The following SHISAL1 variants were observed in gnomAD, a reference collection of about 807,000 sequenced individuals.
The protein encoded by SHISAL1 is shisa like 1, also known as protein shisa-like-1.
In SHISAL1, 9 loss-of-function variants were observed where a neutral mutation model predicts 22.6. The ratio of observed to expected loss-of-function variants is 0.40; its 90% CI spans 0.24 to 0.70. SHISAL1 has a LOEUF of 0.70. Ranked by LOEUF, SHISAL1 falls within the 30% of genes least tolerant of loss-of-function variation. The pLI is 0.39. For synonymous variants in SHISAL1, 119 were observed against 115.4 expected, an observed-to-expected ratio of 1.03 and a Z score of -0.20; for missense variants, 246 against 270.6, an observed-to-expected ratio of 0.91 and a Z score of 0.64.
intron 3 of SHISAL1, among the ~76,000 whole-genome samples, chr22:44,293,305 G>T (rs987649711): frequency 1.3e-5 from 2 of 152,210 alleles, no homozygotes; most frequent in African/African-American, 4.8e-5. Flanking sequence ...CGAGAAGATC[G>T]CTGGAGAATG....
At chr22:44,255,628 C>T (rs1478449033) in intron 4 of SHISAL1, among the ~76,000 whole-genome samples, 2 of 152,192 alleles carry the variant, frequency 1.3e-5, no homozygotes, top group Admixed American at 1.3e-4. Flanking sequence ...CTGCGCTGGT[C>T]AGCGCTGGTC....
chr22:44,324,133 G>C, the SHISAL1 span, among the ~76,000 whole-genome samples: 1 of 152,050 alleles, frequency 6.6e-6, no homozygotes, highest in Non-Finnish European at 1.5e-5. Flanking sequence ...TGTCCCAAAT[G>C]TTACAATCCC....
intron 3 of SHISAL1, among the ~76,000 whole-genome samples, chr22:44,286,337 G>T (rs1009166507): frequency 6.6e-6 from 1 of 152,254 alleles, no homozygotes; most frequent in East Asian, 1.9e-4. Context: ...GGGGCTGTCC[G>T]GGCCCCATGA....
At chr22:44,298,126 A>G (rs1033663222) in intron 2 of SHISAL1, among the ~76,000 whole-genome samples, 2 of 152,156 alleles carry the variant, frequency 1.3e-5, no homozygotes, top group Non-Finnish European at 2.9e-5. Context: ...ACTGCGAGAG[A>G]AAGGTCTCAG....
At chr22:44,272,654 GCCT>G (rs1335024129) in intron 4 of SHISAL1, among the ~76,000 whole-genome samples, 2 of 152,174 alleles carry the variant, frequency 1.3e-5, no homozygotes, top group African/African-American at 2.4e-5. Context: ...CAGTCTTTCT[GCCT>G]CCTCATCTGC....
intron 1 of SHISAL1, among the ~76,000 whole-genome samples, chr22:44,309,888 G>A (rs1341974880): frequency 2.0e-5 from 3 of 152,186 alleles, no homozygotes; most frequent in Non-Finnish European, 4.4e-5. Context: ...GAGGCTCCAC[G>A]CCTGCATATG....
rs1056491840 is a variant in SHISAL1 at position 44,250,776 on chromosome 22, A to G, written c.*-1091T>C. The stretch of plus-strand genomic sequence containing the variant: ...TTGGTTCTGGTGGCAGCCCTGAACT[A>G]CCCCCTTCATACCATTGCAGTTGAA... On this transcript the variant is annotated intron_variant, in intron 4 of 4. Coordinates refer to ENST00000381176, the MANE Select transcript of SHISAL1 (RefSeq NM_001099294.2). 7.2e-5 allele frequency among the ~76,000 whole-genome samples: 11 copies of G among 152,238 alleles called. 1 individual carries two copies. The highest frequency in any genetic ancestry group is 4.6e-4 in the Admixed American group (7 of 15,290).
chr22:44,326,631 C>T, the SHISAL1 span, among the ~76,000 whole-genome samples: 1 of 152,062 alleles, frequency 6.6e-6, no homozygotes. Context: ...TGGAGGCAGC[C>T]GTTTGCACAC....
chr22:44,329,873 C>G, the SHISAL1 span, among the ~76,000 whole-genome samples: 1 of 152,284 alleles, frequency 6.6e-6, no homozygotes, highest in South Asian at 2.1e-4. Context: ...GAAGCTGAAG[C>G]CTACCAGTAG....
intron 4 of SHISAL1, among the ~76,000 whole-genome samples, chr22:44,282,209 C>A (rs1326881736): frequency 6.6e-6 from 1 of 152,202 alleles, no homozygotes; most frequent in African/African-American, 2.4e-5. Flanking sequence ...GCCCAGCAGT[C>A]GCCCAGCTTA....
At position 44,244,696 on chromosome 22, in the gene SHISAL1, G is replaced by A. The variant is rs562328844; in HGVS notation, c.*4989C>T. On this transcript the variant is annotated 3_prime_UTR_variant, in exon 5 of 5. Transcript: ENST00000381176. ...AGGCACAACTAGCCGTTTCACAAGT[G>A]GTCCCAGCTATAGCAGGAATGGCTC... 7 of 152,250 alleles carry A rather than the reference G, an allele frequency of 4.6e-5. 1 individual carries two copies. The South Asian group carries it at 6.2e-4, about 14-fold the overall frequency. 9.4% of individuals were successfully genotyped at this position (152,250 alleles called of 1,614,324 possible).
chr22:44,313,214 C>T (rs2055533047), upstream of SHISAL1, among the ~76,000 whole-genome samples: 3 of 152,358 alleles, frequency 2.0e-5, no homozygotes, highest in South Asian at 4.1e-4. Flanking sequence ...CCCAGGGCAC[C>T]GGGCTCCAGG....
rs564811508 is a variant in SHISAL1, at chr22:44,272,763, C to G, written c.599+12665G>C. ...TGCCCCTTGTCCTGGCTACCATTGCCCTGGGTGCCTGTCTGTGGGTGTCCC... is the reference window on the plus strand; with the variant it reads ...TGCCCCTTGTCCTGGCTACCATTGCGCTGGGTGCCTGTCTGTGGGTGTCCC... On this transcript the variant is annotated intron_variant, in intron 4 of 4. Transcript: ENST00000381176. Among the ~76,000 whole-genome samples, 133 of 152,292 alleles carry G rather than the reference C, an allele frequency of 8.7e-4. 1 individual carries two copies. The highest frequency in any genetic ancestry group is 3.1e-3 in the African/African-American group (130 of 41,576).
At chr22:44,314,929 A>G (rs142887953), upstream of SHISAL1, among the ~76,000 whole-genome samples, 103 of 152,342 alleles carry the variant, frequency 6.8e-4, no homozygotes, top group African/African-American at 2.4e-3. Context: ...GTCTCCAAAG[A>G]TGAAGTTCAG....
intron 1 of SHISAL1, among the ~76,000 whole-genome samples, chr22:44,308,919 G>A (rs1019195141): frequency 1.3e-5 from 2 of 152,204 alleles, no homozygotes; most frequent in Admixed American, 6.5e-5. Flanking sequence ...CATGGGGGGC[G>A]GGAGGCTGAC....
Position 44,300,863 on chromosome 22 carries a change from T to C in SHISAL1, c.67+16A>G, listed in dbSNP as rs1313579213. The C allele has an allele frequency of 6.3e-7, 1 of 1,591,364 alleles. No individual in the cohort carries two copies. The highest frequency in any genetic ancestry group is 8.6e-7 in the Non-Finnish European group (1 of 1,159,232). ...CCACGTGCCGCCCCCGCCCCCAGCA[T>C]CCACGGAGGTTTTACCTGCAGAAAA... On this transcript the variant is annotated intron_variant, in intron 2 of 4. Transcript: ENST00000381176.
intron 4 of SHISAL1, among the ~76,000 whole-genome samples, chr22:44,260,618 C>G (rs1180187233): frequency 6.6e-6 from 1 of 152,238 alleles, no homozygotes; most frequent in African/African-American, 2.4e-5. Flanking sequence ...AAGCCATTCC[C>G]TTTTAAGCTG....
At chr22:44,257,768 GAAGAAGCTCTGGAGCTGGTCTTC>G (rs1384070860) in intron 4 of SHISAL1, among the ~76,000 whole-genome samples, 1 of 152,202 alleles carries the variant, frequency 6.6e-6, no homozygotes, top group Non-Finnish European at 1.5e-5. Context: ...TGCACTTCCC[GAAGAAGCTCTGGAGCTGGTCTTC>G]AGGGGCAACC....
chr22:44,257,072 G>A (rs551899790), intron 4 of SHISAL1, among the ~76,000 whole-genome samples: 97 of 152,314 alleles, frequency 6.4e-4, no homozygotes, highest in African/African-American at 2.2e-3. Flanking sequence ...AAGGCTGAGC[G>A]CCCGACGCGT....
Sources: gnomAD v4.1 joint callset for allele counts (sites outside exome capture counted in the v4.1 genomes callset) on GRCh38, gnomAD v4.1.1 for gene constraint, MANE v1.5 for transcripts, NCBI Gene and HGNC (gene_info 2026-07-23, HGNC 2026-07-21) for gene names.